The following C5orf52 variants were observed in gnomAD, a reference collection of about 807,000 sequenced individuals.
C5orf52 encodes uncharacterized protein C5orf52.
In C5orf52, 15 loss-of-function variants were observed where a neutral mutation model predicts 16.8. The ratio of observed to expected loss-of-function variants is 0.89; its 90% CI spans 0.60 to 1.38. The LOEUF is 1.38. Ranked by LOEUF, C5orf52 falls within the 40% of genes most tolerant of loss-of-function variation. C5orf52 has a pLI of 0.00. For missense variants in C5orf52, 206 were observed against 213.1 expected (o/e 0.97, Z 0.21); for synonymous variants, 83 against 87.2 (o/e 0.95, Z 0.27).
chr5:157,679,861 C>A lies in C5orf52; in HGVS notation c.342C>A (p.Thr114=), dbSNP rs1283861248. The change falls in exon 3 of 3, where the codon ACC becomes ACA. Residue 114 remains threonine (T), a synonymous_variant. Coordinates refer to ENST00000409999, the MANE Select transcript of C5orf52 (RefSeq NM_001145132.2). ...GTAAGGTGAGCGCTTTAGAGAAGAC[C>A]AAGAAAAAGATCAGCCACTACTATG... is the stretch of plus-strand genomic sequence containing the variant. ...YEMEVSALEK[T]KKKISHYYEH... is the part of the protein sequence containing the mutation. The A allele has an allele frequency of 1.9e-6, 3 of 1,550,594 alleles. No homozygotes were observed. Among genetic ancestry groups the A allele is most frequent in the Non-Finnish European group, 2.6e-6 (3 of 1,146,752 alleles).
rs1398072078 is a variant in C5orf52 at position 157,671,712 on chromosome 5, C to A, written c.98C>A (p.Ser33Ter). The change falls in exon 1 of 3, where the codon TCG (serine) becomes TAG (stop). Residue 33 changes from serine (S) to a stop codon, truncating the protein, a stop_gained. Transcript: ENST00000409999. LOFTEE classifies it high-confidence loss of function. ...AQATTSSSAT[S>*]GSNYQRDRLG... ...GCGACCACCAGTTCCAGCGCCACCT[C>A]GGGTTCGAACTACCAGCGCGATAGA... is the stretch of plus-strand genomic sequence containing the variant. 1.9e-6 allele frequency: 3 copies of A among 1,551,316 alleles called. No individual in the cohort carries two copies. The highest frequency in any genetic ancestry group is 1.7e-6 in the Non-Finnish European group (2 of 1,146,810).
chr5:157,677,484 C>T (rs183999108), intron 2 of C5orf52, among the ~76,000 whole-genome samples: 91 of 151,732 alleles, frequency 6.0e-4, no homozygotes, highest in Non-Finnish European at 6.0e-4. Flanking sequence ...GGAGAAACCC[C>T]TCTCTACTAA....
In C5orf52 at chr5:157,679,846, C is replaced by T. The variant is rs981249398; in HGVS notation, c.327C>T (p.Ser109=). 1.2e-5 allele frequency: 19 copies of T among 1,548,168 alleles called. No homozygotes were observed. Among genetic ancestry groups the T allele is most frequent in the African/African-American group, 2.8e-5 (2 of 72,608 alleles). Residue 109 remains serine (S), a synonymous_variant, in exon 3 of 3, where the codon AGC becomes AGT. Coordinates refer to ENST00000409999, the MANE Select transcript of C5orf52 (RefSeq NM_001145132.2). ...TCACCTCTGTTTTTTGTAAGGTGAG[C>T]GCTTTAGAGAAGACCAAGAAAAAGA... ...ITQRIYEMEV[S]ALEKTKKKIS...
intron 2 of C5orf52, among the ~76,000 whole-genome samples, chr5:157,677,075 G>T (rs374078144): frequency 6.6e-6 from 1 of 151,954 alleles, no homozygotes; most frequent in African/African-American, 2.4e-5. Flanking sequence ...TCACCATATT[G>T]CCCAGGCTGG....
At chr5:157,676,871 C>CTTTTTTTTTTTTT (rs35620575) in intron 2 of C5orf52, among the ~76,000 whole-genome samples, 3 of 97,162 alleles carry the variant, frequency 3.1e-5, no homozygotes, top group African/African-American at 1.2e-4. Flanking sequence ...CTTTTTTTTT[C>CTTTTTTTTTTTTT]TTTTTTTTTT....
intron 2 of C5orf52, among the ~76,000 whole-genome samples, chr5:157,676,617 TAC>T (rs1463918091): frequency 6.6e-6 from 1 of 152,216 alleles, no homozygotes; most frequent in Admixed American, 6.5e-5. Flanking sequence ...CTGTGTGAAT[TAC>T]ACTTCCTCCA....
chr5:157,671,860 C>A, intron 1 of C5orf52, 34 bp downstream of exon 1: 3 of 1,393,884 alleles, frequency 2.2e-6, no homozygotes, highest in Non-Finnish European at 2.9e-6. Context: ...TTCGTCAGAC[C>A]CTCGGACCCG....
intron 2 of C5orf52, among the ~76,000 whole-genome samples, chr5:157,677,177 G>C (rs1220455315): frequency 6.6e-6 from 1 of 152,142 alleles, no homozygotes. Context: ...GCCCTTTGTG[G>C]CTTTCTGTAT....
chr5:157,676,294 A>C (rs1373270470), intron 2 of C5orf52, among the ~76,000 whole-genome samples: 1 of 152,044 alleles, frequency 6.6e-6, no homozygotes, highest in Non-Finnish European at 1.5e-5. Flanking sequence ...GCTGGTCTCA[A>C]ACTCCTGACC....
At chr5:157,678,778 A>G (rs1036110160) in intron 2 of C5orf52, among the ~76,000 whole-genome samples, 4 of 152,092 alleles carry the variant, frequency 2.6e-5, no homozygotes, top group South Asian at 2.1e-4. Flanking sequence ...ATTTGTCGTG[A>G]TATCTCCCTT....
intron 1 of C5orf52, among the ~76,000 whole-genome samples, chr5:157,672,290 G>A (rs985235900): frequency 6.6e-6 from 1 of 151,866 alleles, no homozygotes; most frequent in African/African-American, 2.4e-5. Context: ...CCTCTGCCTG[G>A]CCCGGATCCT....
At chr5:157,678,909 T>G (rs1384877484) in intron 2 of C5orf52, among the ~76,000 whole-genome samples, 1 of 151,844 alleles carries the variant, frequency 6.6e-6, no homozygotes. Context: ...CCGAAGCGGG[T>G]GGATCACGAG....
upstream of C5orf52, chr5:157,671,501 C>A (rs914702924): frequency 2.4e-6 from 2 of 846,914 alleles, no homozygotes; most frequent in East Asian, 2.8e-5. Context: ...GGCAACGCGC[C>A]GCGCTCGGTT....
At chr5:157,679,221 C>A (rs1227205994) in intron 2 of C5orf52, among the ~76,000 whole-genome samples, 1 of 152,110 alleles carries the variant, frequency 6.6e-6, no homozygotes, top group Non-Finnish European at 1.5e-5. Flanking sequence ...GGCAGTTTTT[C>A]TTAGTATCCT....
At chr5:157,678,874 C>T (rs1401282006) in intron 2 of C5orf52, among the ~76,000 whole-genome samples, 2 of 152,026 alleles carry the variant, frequency 1.3e-5, no homozygotes, top group Non-Finnish European at 2.9e-5. Context: ...GTGGTTCATG[C>T]CTGTAATCTC....
chr5:157,679,102 C>T (rs1263784597), intron 2 of C5orf52, among the ~76,000 whole-genome samples: 1 of 151,676 alleles, frequency 6.6e-6, no homozygotes, highest in Non-Finnish European at 1.5e-5. Flanking sequence ...CCACTGCACT[C>T]CAGCCTGGGT....
At chr5:157,679,151 A>G (rs1759961651) in intron 2 of C5orf52, among the ~76,000 whole-genome samples, 1 of 151,870 alleles carries the variant, frequency 6.6e-6, no homozygotes, top group South Asian at 2.1e-4. Flanking sequence ...AAAAAAAAAA[A>G]GAAATATTTG....
intron 2 of C5orf52, among the ~76,000 whole-genome samples, chr5:157,678,055 A>C (rs72813221): frequency 6.6e-6 from 1 of 152,134 alleles, no homozygotes; most frequent in Admixed American, 6.5e-5. Context: ...GATCAGAATA[A>C]TCTCAGGTGC....
Position 157,671,736 on chromosome 5 carries a change from G to C in C5orf52, c.122G>C (p.Arg41Thr). The change falls in exon 1 of 3, where the codon AGA becomes ACA. Residue 41 changes from arginine (R) to threonine (T), a missense_variant. Physicochemically the swap from Arg to Thr is moderately conservative, Grantham distance 71. Transcript: ENST00000409999. ...TCGGGTTCGAACTACCAGCGCGATA[G>C]ACTCGGCCGCCGCCCAGAAATCGGC... Reference protein sequence around the residue: ...ATSGSNYQRDRLGRRPEIGVG... With the variant: ...ATSGSNYQRDTLGRRPEIGVG... 1 of 1,551,254 alleles carries C rather than the reference G, an allele frequency of 6.4e-7. No homozygotes were observed. The highest frequency in any genetic ancestry group is 8.7e-7 in the Non-Finnish European group (1 of 1,146,828).
Sources: gnomAD v4.1 joint callset for allele counts (sites outside exome capture counted in the v4.1 genomes callset) on GRCh38, gnomAD v4.1.1 for gene constraint, MANE v1.5 for transcripts, NCBI Gene and HGNC (gene_info 2026-07-23, HGNC 2026-07-21) for gene names.